The following KCNIP4 variants were observed in gnomAD, a reference collection of about 807,000 sequenced individuals.
KCNIP4 encodes potassium voltage-gated channel interacting protein 4, also known as Kv channel-interacting protein 4.
In KCNIP4, 12 loss-of-function variants were observed where a neutral mutation model predicts 34.0. That is an observed-to-expected ratio of 0.35 (90% CI 0.23 to 0.57). KCNIP4 has a LOEUF of 0.57. Ranked by LOEUF, KCNIP4 falls within the 20% of genes least tolerant of loss-of-function variation. The pLI is 0.83. For missense variants in KCNIP4, 238 were observed against 311.7 expected, an observed-to-expected ratio of 0.76 and a Z score of 1.78; for synonymous variants, 124 against 102.2, an observed-to-expected ratio of 1.21 and a Z score of -1.29.
chr4:21,735,852 G>A (rs533342772), intron 1 of KCNIP4, among the ~76,000 whole-genome samples: 1 of 152,236 alleles, frequency 6.6e-6, no homozygotes. Flanking sequence ...TTCCAAATGT[G>A]ACCATTTGCT....
chr4:21,529,266 G>T (rs1018278525), intron 1 of KCNIP4, among the ~76,000 whole-genome samples: 4 of 152,154 alleles, frequency 2.6e-5, no homozygotes, highest in African/African-American at 9.7e-5. Flanking sequence ...GAAGGGAAAT[G>T]ATAATACAAA....
chr4:21,767,427 AG>A (rs1718494794), intron 1 of KCNIP4, among the ~76,000 whole-genome samples: 1 of 151,924 alleles, frequency 6.6e-6, no homozygotes, highest in African/African-American at 2.4e-5. Flanking sequence ...AGAGAAATCA[AG>A]GAGATGGGGT....
At chr4:21,803,310 C>T (rs910118894) in intron 1 of KCNIP4, among the ~76,000 whole-genome samples, 2 of 152,136 alleles carry the variant, frequency 1.3e-5, no homozygotes, top group African/African-American at 4.8e-5. Context: ...CTACAACTCT[C>T]CATTCTTACT....
intron 1 of KCNIP4, among the ~76,000 whole-genome samples, chr4:21,816,863 T>G (rs1722020198): frequency 6.6e-6 from 1 of 152,192 alleles, no homozygotes; most frequent in Admixed American, 6.5e-5. Context: ...ACCACCAGCT[T>G]GACCTTGAGC....
chr4:21,254,784 C>T (rs1464565534), intron 1 of KCNIP4, among the ~76,000 whole-genome samples: 1 of 152,128 alleles, frequency 6.6e-6, no homozygotes, highest in Non-Finnish European at 1.5e-5. Context: ...ACTGGAAAAA[C>T]CTGTAACCAA....
chr4:21,702,317 G>A (rs1204826295), intron 1 of KCNIP4, among the ~76,000 whole-genome samples: 2 of 152,070 alleles, frequency 1.3e-5, no homozygotes, highest in Non-Finnish European at 2.9e-5. Flanking sequence ...ATTCTATCCT[G>A]AGCACACTAT....
intron 1 of KCNIP4, among the ~76,000 whole-genome samples, chr4:20,900,703 A>G (rs1159582000): frequency 1.3e-5 from 2 of 152,260 alleles, no homozygotes; most frequent in African/African-American, 4.8e-5. Flanking sequence ...ACCTTAGGCT[A>G]CTAGTTACTG....
intron 1 of KCNIP4, among the ~76,000 whole-genome samples, chr4:20,886,279 G>T (rs768845081): frequency 6.6e-6 from 1 of 152,128 alleles, no homozygotes; most frequent in Non-Finnish European, 1.5e-5. Context: ...GCCCTGGCTC[G>T]CCCCTGCCTG....
At chr4:21,763,648 T>A (rs530463899) in intron 1 of KCNIP4, among the ~76,000 whole-genome samples, 117 of 152,280 alleles carry the variant, frequency 7.7e-4, no homozygotes, top group Non-Finnish European at 1.3e-3. Context: ...ATTTCTCTTT[T>A]CTGAATCTCA....
chr4:21,529,227 A>T (rs1330136309), intron 1 of KCNIP4, among the ~76,000 whole-genome samples: 1 of 152,196 alleles, frequency 6.6e-6, no homozygotes, highest in African/African-American at 2.4e-5. Flanking sequence ...CAAATGGATT[A>T]AGTTCAGCCC....
chr4:20,744,556 G>A (rs1751978295), intron 5 of KCNIP4, among the ~76,000 whole-genome samples: 1 of 150,660 alleles, frequency 6.6e-6, no homozygotes, highest in Non-Finnish European at 1.5e-5. Flanking sequence ...TCATAGGTGG[G>A]AATTGAAAAA....
At chr4:20,912,336 C>G (rs1205005593) in intron 1 of KCNIP4, among the ~76,000 whole-genome samples, 3 of 152,052 alleles carry the variant, frequency 2.0e-5, no homozygotes, top group African/African-American at 7.2e-5. Flanking sequence ...ATGAATTCAG[C>G]AAGTTTTAGG....
intron 1 of KCNIP4, among the ~76,000 whole-genome samples, chr4:21,108,176 G>T (rs1356242371): frequency 6.6e-6 from 1 of 151,406 alleles, no homozygotes; most frequent in South Asian, 2.1e-4. Flanking sequence ...AGTTCTCCTG[G>T]ATAATATCCT....
chr4:21,723,364 C>CT (rs571432631), intron 1 of KCNIP4, among the ~76,000 whole-genome samples: 82 of 152,188 alleles, frequency 5.4e-4, no homozygotes, highest in African/African-American at 1.9e-3. Flanking sequence ...GCTGCTTCTC[C>CT]TTTTTTTGTG....
chr4:20,895,992 T>A (rs1433143334), intron 1 of KCNIP4, among the ~76,000 whole-genome samples: 1 of 150,872 alleles, frequency 6.6e-6, no homozygotes, highest in Non-Finnish European at 1.5e-5. Context: ...GCTCAAACAC[T>A]TTTTTTTTAA....
chr4:20,876,872 C>T (rs1279691506), intron 2 of KCNIP4, among the ~76,000 whole-genome samples: 2 of 152,088 alleles, frequency 1.3e-5, no homozygotes, highest in African/African-American at 4.8e-5. Context: ...GCGCCTGGCC[C>T]ATGAAGAAAT....
intron 1 of KCNIP4, among the ~76,000 whole-genome samples, chr4:20,936,386 T>C (rs909829444): frequency 6.7e-6 from 1 of 149,652 alleles, no homozygotes; most frequent in African/African-American, 2.5e-5. Context: ...GGATCTTTCA[T>C]GTACCAGGTA....
intron 3 of KCNIP4, among the ~76,000 whole-genome samples, chr4:20,830,492 T>C (rs1297511588): frequency 6.6e-6 from 1 of 152,162 alleles, no homozygotes; most frequent in Non-Finnish European, 1.5e-5. Flanking sequence ...TTCTGCATGT[T>C]CTTATGGGAA....
chr4:20,785,255 A>C (rs907104012), intron 3 of KCNIP4, among the ~76,000 whole-genome samples: 1 of 151,652 alleles, frequency 6.6e-6, no homozygotes, highest in Non-Finnish European at 1.5e-5. Context: ...TAATTTTCTA[A>C]ATGCATGCCA....
Sources: gnomAD v4.1 joint callset for allele counts (sites outside exome capture counted in the v4.1 genomes callset) on GRCh38, gnomAD v4.1.1 for gene constraint, MANE v1.5 for transcripts, NCBI Gene and HGNC (gene_info 2026-07-23, HGNC 2026-07-21) for gene names.